Variants in PRKCG observed in about 807,000 individuals in gnomAD.
PRKCG encodes protein kinase C gamma.
A neutral mutation model predicts 82.0 loss-of-function variants in PRKCG; 28 were observed. The ratio of observed to expected loss-of-function variants is 0.34; its 90% CI spans 0.25 to 0.47. The LOEUF (loss-of-function observed/expected upper bound fraction) is 0.47, where lower values mean the gene tolerates loss of function less well. Among genes scored for constraint, PRKCG ranks in the 20% least tolerant of loss-of-function variants. The pLI, the probability that PRKCG is intolerant of heterozygous loss-of-function variation, is 1.00. For synonymous variants in PRKCG, 383 were observed against 376.6 expected (o/e 1.02, Z -0.20); for missense variants, 640 against 952.7 (o/e 0.67, Z 4.32).
At chr19:53,885,695 G>A (rs1351062047) in intron 3 of PRKCG, among the ~76,000 whole-genome samples, 1 of 151,992 alleles carries the variant, frequency 6.6e-6, no homozygotes, top group Non-Finnish European at 1.5e-5. Context: ...TGGAGAGAGA[G>A]GCAGAGAGAG....
intron 9 of PRKCG, among the ~76,000 whole-genome samples, chr19:53,895,481 C>G (rs2068711022): frequency 8.1e-6 from 1 of 123,902 alleles, no homozygotes; most frequent in African/African-American, 3.6e-5. Flanking sequence ...GAGGGAGACT[C>G]TGTCTCAAAA....
chr19:53,897,944 TTCTC>T lies in PRKCG; in HGVS notation c.940-14_940-11del. 6.2e-7 allele frequency: 1 copy of T among 1,614,078 alleles called. No individual in the cohort carries two copies. Among genetic ancestry groups the T allele is most frequent in the Non-Finnish European group, 8.5e-7 (1 of 1,180,014 alleles). ...GGTCTAACTGCCTCTGGCTCTTTCTTTCTCCTTTCCACAGCGGGTGCGGATGGGC... is the reference window on the plus strand; with the variant it reads ...GGTCTAACTGCCTCTGGCTCTTTCTTCTTTCCACAGCGGGTGCGGATGGGC... On this transcript the variant is annotated splice_polypyrimidine_tract_variant and intron_variant, in intron 9 of 17. Transcript: ENST00000263431.
intron 5 of PRKCG, 23 bp from the exon 6 acceptor site, chr19:53,891,651 A>G (rs763612414): frequency 1.9e-6 from 3 of 1,611,870 alleles, no homozygotes; most frequent in Admixed American, 3.3e-5. Context: ...AACCCGTCAC[A>G]CTCTTCCTCA....
Position 53,900,339 on chromosome 19 carries a change from A to G in PRKCG, c.1373+15A>G. The G allele has an allele frequency of 1.9e-6, 3 of 1,614,032 alleles. No individual in the cohort carries two copies. The highest frequency in any genetic ancestry group is 2.5e-6 in the Non-Finnish European group (3 of 1,179,934). ...CCCCATGCAGCGTGAGTCTCGGCCA[A>G]CAGAGAATGGTCGGGGTGGTGGAAG... On this transcript the variant is annotated intron_variant, in intron 12 of 17. Transcript: ENST00000263431. The surrounding 1 kb of genome is among the most constrained non-coding windows in gnomAD (Gnocchi z 4.2).
chr19:53,894,089 G>A (rs910870893), intron 9 of PRKCG, among the ~76,000 whole-genome samples: 27 of 141,528 alleles, frequency 1.9e-4, no homozygotes, highest in African/African-American at 5.6e-4. Flanking sequence ...TTTTTGAGAC[G>A]GAGTCTCGCT....
Position 53,883,073 on chromosome 19 carries a change from G to T in PRKCG, c.171-90G>T, listed in dbSNP as rs1356340247. The T allele has an allele frequency of 2.0e-6, 3 of 1,519,126 alleles. No individual in the cohort carries two copies. Among genetic ancestry groups the T allele is most frequent in the Non-Finnish European group, 1.8e-6 (2 of 1,094,510 alleles). The allele number at this position is 1,519,126 out of a possible 1,614,324, so 94.1% of individuals were successfully genotyped here. A position where few individuals can be genotyped will look rare whatever the true frequency, so the allele number is the denominator to read the frequency against. Reference sequence around the variant, plus strand: ...GGACACCTGGGCCCTGCGGGAGGAGGGTCAGAGAGCGCAGGCCCCCTGTGG... The same window carrying T: ...GGACACCTGGGCCCTGCGGGAGGAGTGTCAGAGAGCGCAGGCCCCCTGTGG... On this transcript the variant is annotated intron_variant, in intron 1 of 17. Transcript: ENST00000263431. This position sits in a 1 kb window ranked among gnomAD's most constrained non-coding sequence, Gnocchi z 5.4.
Position 53,903,068 on chromosome 19 carries a change from C to T in PRKCG, c.1576-5C>T. The T allele has an allele frequency of 6.2e-7, 1 of 1,612,428 alleles. No individual in the cohort carries two copies. Among genetic ancestry groups the T allele is most frequent in the Non-Finnish European group, 8.5e-7 (1 of 1,178,570 alleles). On this transcript the variant is annotated splice_region_variant and splice_polypyrimidine_tract_variant and intron_variant, in intron 14 of 17. Coordinates refer to ENST00000263431, the MANE Select transcript of PRKCG (RefSeq NM_002739.5). Reference sequence around the variant, plus strand: ...TCATGATTCCCTGCCTTCCACCTCCCCTAGATCATTGCCTACCAGCCCTAT... The same window carrying T: ...TCATGATTCCCTGCCTTCCACCTCCTCTAGATCATTGCCTACCAGCCCTAT...
At chr19:53,894,952 A>G (rs550045123) in intron 9 of PRKCG, among the ~76,000 whole-genome samples, 6 of 152,294 alleles carry the variant, frequency 3.9e-5, no homozygotes, top group Admixed American at 2.6e-4. Context: ...AGTCAGAGAA[A>G]GCTTCCTAGA....
At chr19:53,903,208 T>A in intron 15 of PRKCG, 55 bp downstream of exon 15, 1 of 1,418,500 alleles carries the variant, frequency 7.0e-7, no homozygotes, top group South Asian at 1.1e-5. Flanking sequence ...GAGGGGCACC[T>A]GGATCTCAGG....
chr19:53,897,079 C>T (rs2068723289), intron 9 of PRKCG, among the ~76,000 whole-genome samples: 1 of 152,116 alleles, frequency 6.6e-6, no homozygotes, highest in African/African-American at 2.4e-5. Flanking sequence ...GAGTGTCAGG[C>T]CAGGGTGGCT....
intron 11 of PRKCG, among the ~76,000 whole-genome samples, chr19:53,899,189 G>GA (rs1252665847): frequency 6.6e-6 from 1 of 151,836 alleles, no homozygotes; most frequent in Non-Finnish European, 1.5e-5. Flanking sequence ...CTGGCCAGGT[G>GA]AATGGGTCCT....
intron 3 of PRKCG, among the ~76,000 whole-genome samples, chr19:53,886,700 C>T (rs888460258): frequency 1.3e-5 from 2 of 152,218 alleles, no homozygotes; most frequent in African/African-American, 2.4e-5. Flanking sequence ...GCGTGAGCCA[C>T]TGCACCTGGC....
chr19:53,885,175 G>A (rs2068622349), intron 3 of PRKCG, among the ~76,000 whole-genome samples: 1 of 152,176 alleles, frequency 6.6e-6, no homozygotes, highest in Non-Finnish European at 1.5e-5. Flanking sequence ...GGGCGACTGT[G>A]GCTGAGGATT....
At position 53,882,263 on chromosome 19, in the gene PRKCG, C is replaced by A. The variant is rs1278778508; in HGVS notation, c.-232C>A. The A allele has an allele frequency of 1.7e-6, 1 of 603,744 alleles. No individual in the cohort carries two copies. The highest frequency in any genetic ancestry group is 2.9e-6 in the Non-Finnish European group (1 of 343,358). 37.4% of individuals were successfully genotyped at this position (603,744 alleles called of 1,614,324 possible). On this transcript the variant is annotated 5_prime_UTR_variant, in exon 1 of 18. Coordinates refer to ENST00000263431, the MANE Select transcript of PRKCG (RefSeq NM_002739.5). The surrounding 1 kb of genome is among the most constrained non-coding windows in gnomAD (Gnocchi z 6.1). ...GCCCGTGCCTCCGGCTGCCGGCGCC[C>A]CTGCCTTTGGCTCTTCCTCCCCACT... is the stretch of plus-strand genomic sequence containing the variant.
chr19:53,902,668 G>A (rs1168496551), intron 14 of PRKCG, among the ~76,000 whole-genome samples: 1 of 151,966 alleles, frequency 6.6e-6, no homozygotes, highest in Non-Finnish European at 1.5e-5. Flanking sequence ...GCGGAGGCAG[G>A]CCAATTGCTT....
chr19:53,904,599 C>A, intron 15 of PRKCG, 36 bp from the exon 16 acceptor site: 1 of 1,578,446 alleles, frequency 6.3e-7, no homozygotes, highest in Non-Finnish European at 8.7e-7. Flanking sequence ...GGCAGTTGGG[C>A]ATGTCCCTGA....
rs2145889382 is a variant in PRKCG, at chr19:53,906,445, C to T, written c.1893C>T (p.Phe631=). 1.3e-6 allele frequency: 2 copies of T among 1,575,740 alleles called. No homozygotes were observed. Among genetic ancestry groups the T allele is most frequent in the East Asian group, 4.7e-5 (2 of 42,696 alleles). ...AACGATTGGAGATCCCGCCTCCTTT[C>T]AGACCCCGCCCGGTCAGTCACCCTC... The part of the protein sequence containing the change: ...RLERLEIPPP[F]RPRPCGRSGE... Residue 631 remains phenylalanine, a synonymous_variant, in exon 17 of 18, where the codon TTC becomes TTT. Coordinates refer to ENST00000263431, the MANE Select transcript of PRKCG (RefSeq NM_002739.5).
intron 14 of PRKCG, among the ~76,000 whole-genome samples, chr19:53,902,016 G>A (rs936807994): frequency 1.3e-5 from 2 of 152,178 alleles, no homozygotes; most frequent in African/African-American, 4.8e-5. Context: ...TAAAGCACAT[G>A]CCTGTAGTCC....
chr19:53,892,872 T>C lies in PRKCG; in HGVS notation c.822-116T>C, dbSNP rs2068689818. 1 of 1,109,936 alleles carries C rather than the reference T, an allele frequency of 9.0e-7. No homozygotes were observed. Among genetic ancestry groups the C allele is most frequent in the African/African-American group, 1.5e-5 (1 of 64,546 alleles). 68.8% of individuals were successfully genotyped at this position (1,109,936 alleles called of 1,614,324 possible). A position where few individuals can be genotyped will look rare whatever the true frequency, so the allele number is the denominator to read the frequency against. ...CCCTCTCTTTTTATCTCACTCTTTC[T>C]CTCTTCCATCTCTGTGTCCGTCTCT... On this transcript the variant is annotated intron_variant, in intron 7 of 17. Coordinates refer to ENST00000263431, the MANE Select transcript of PRKCG (RefSeq NM_002739.5). This position sits in a 1 kb window ranked among gnomAD's most constrained non-coding sequence, Gnocchi z 5.9.
Sources: allele counts gnomAD v4.1 joint callset (sites outside exome capture counted in the v4.1 genomes callset), GRCh38; gene constraint gnomAD v4.1.1; non-coding constraint Gnocchi (gnomAD v3.1); transcripts MANE v1.5; gene names NCBI Gene and HGNC (gene_info 2026-07-23, HGNC 2026-07-21).